SIRPB2: variants seen among roughly 807,000 people sequenced by gnomAD.
SIRPB2 encodes signal-regulatory protein beta-2.
In SIRPB2, 18 loss-of-function variants were observed where a neutral mutation model predicts 27.1. The ratio of observed to expected loss-of-function variants is 0.66; its 90% confidence interval spans 0.46 to 0.98. The LOEUF (loss-of-function observed/expected upper bound fraction) is 0.98. SIRPB2 is among the 50% of genes least tolerant of loss of function. The pLI, the probability that SIRPB2 is intolerant of heterozygous loss-of-function variation, is 0.00. For missense variants in SIRPB2, 420 were observed against 417.4 expected (o/e 1.01, Z -0.06); for synonymous variants, 150 against 164.6 (o/e 0.91, Z 0.68).
At chr20:1,476,800 G>C in intron 4 of SIRPB2, 1 of 1,052,508 alleles carries the variant, frequency 9.5e-7, no homozygotes, top group Non-Finnish European at 1.1e-6. Context: ...GCTCCCACCA[G>C]ATACTGAGAG....
At chr20:1,484,943 T>A (rs1027812204) in intron 1 of SIRPB2, among the ~76,000 whole-genome samples, 4 of 152,130 alleles carry the variant, frequency 2.6e-5, no homozygotes, top group Non-Finnish European at 5.9e-5. Flanking sequence ...CGTAGCAACA[T>A]GAATGAAGAT....
chr20:1,478,490 G>C lies in SIRPB2; in HGVS notation c.569C>G (p.Pro190Arg), dbSNP rs759695259. 3.5e-5 allele frequency: 56 copies of C among 1,613,990 alleles called. 1 individual carries two copies. The highest frequency in any genetic ancestry group is 4.6e-5 in the Non-Finnish European group (54 of 1,180,044). The change falls in exon 3 of 5, where the codon CCC becomes CGC. Residue 190 changes from proline (P) to arginine (R), a missense_variant. Transcript: ENST00000359801. ...CTVLGDGPPG[P>R]IRWFQGAGLS... ...ACCAGCTCCCTGGAACCACCTGATG[G>C]GTCCAGGGGGACCGTCTCCAAGCAC...
At chr20:1,484,702 A>T (rs1296804175) in intron 1 of SIRPB2, among the ~76,000 whole-genome samples, 6 of 151,814 alleles carry the variant, frequency 4.0e-5, no homozygotes, top group African/African-American at 1.5e-4. Context: ...TAAAAAAAAA[A>T]AACAAAATAA....
intron 1 of SIRPB2, among the ~76,000 whole-genome samples, chr20:1,484,488 A>T (rs1182152142): frequency 6.6e-6 from 1 of 152,100 alleles, no homozygotes; most frequent in Non-Finnish European, 1.5e-5. Context: ...TATACAGGAA[A>T]CTCAAACAAC....
downstream of SIRPB2, among the ~76,000 whole-genome samples, chr20:1,473,489 C>T (rs1034561270): frequency 2.0e-5 from 3 of 152,180 alleles, no homozygotes; most frequent in African/African-American, 7.2e-5. Flanking sequence ...TGCGCTCACA[C>T]ACACACACCA....
At position 1,483,475 on chromosome 20, in the gene SIRPB2, T is replaced by C. The variant is rs561420506; in HGVS notation, c.86-3410A>G. The stretch of plus-strand genomic sequence containing the variant: ...GACGATATCTCATTATGGTTTTGAT[T>C]TGCATTTCCCTGATGAGTGATGTTG... On this transcript the variant is annotated intron_variant, in intron 1 of 4. Transcript: ENST00000359801. Among the ~76,000 whole-genome samples, 6 of 152,328 alleles carry C rather than the reference T, an allele frequency of 3.9e-5. No individual in the cohort carries two copies. In the East Asian group the frequency reaches 9.6e-4, roughly 24 times the overall value.
rs540097362 is a variant in SIRPB2, at chr20:1,491,173, C to T, written c.85+102G>A. 1.1e-5 allele frequency: 12 copies of T among 1,087,478 alleles called. No individual in the cohort carries two copies. In the South Asian group the frequency reaches 1.9e-4, roughly 17 times the overall value. The allele number at this position is 1,087,478 out of a possible 1,614,324, so 67.4% of individuals were successfully genotyped here. On this transcript the variant is annotated intron_variant, in intron 1 of 4. Coordinates refer to ENST00000359801, the MANE Select transcript of SIRPB2 (RefSeq NM_001122962.2). ...TTCAGTGGACCCCTCTTTACTCTATCTTCATGGGGTCAAGCTTCTTCAGGC... is the reference window on the plus strand; with the variant it reads ...TTCAGTGGACCCCTCTTTACTCTATTTTCATGGGGTCAAGCTTCTTCAGGC...
Position 1,475,772 on chromosome 20 carries a change from C to CA in SIRPB2, c.*394_*395insT. ...GTGTAGATGGAGGGGCACAGATGGTCTGGCTGGTTGAGTTCAGAGATTCTT... is the reference window on the plus strand; with the variant it reads ...GTGTAGATGGAGGGGCACAGATGGTCATGGCTGGTTGAGTTCAGAGATTCTT... On this transcript the variant is annotated 3_prime_UTR_variant, in exon 5 of 5. Coordinates refer to ENST00000359801, the MANE Select transcript of SIRPB2 (RefSeq NM_001122962.2). 5.7e-6 allele frequency: 1 copy of CA among 176,446 alleles called. No homozygotes were observed. The allele number at this position is 176,446 out of a possible 1,614,324, so 10.9% of individuals were successfully genotyped here.
chr20:1,484,663 A>G (rs564271080), intron 1 of SIRPB2, among the ~76,000 whole-genome samples: 1 of 151,988 alleles, frequency 6.6e-6, no homozygotes, highest in African/African-American at 2.4e-5. Context: ...ATCTTACCCC[A>G]GTTGGAACGA....
rs1475353456 is a variant in SIRPB2 at position 1,478,343 on chromosome 20, G to C, written c.716C>G (p.Thr239Ser). The C allele has an allele frequency of 6.2e-7, 1 of 1,614,064 alleles. No homozygotes were observed. Among genetic ancestry groups the C allele is most frequent in the African/African-American group, 1.3e-5 (1 of 74,918 alleles). ...LQNVSSEDAG[T>S]YYCVKFQRKP... is the part of the protein sequence containing the mutation. ...CCTCTGAAACTTTACACAGTAATAG[G>C]TGCCTGCATCCTCACTGGAGACGTT... Residue 239 changes from threonine to serine, a missense_variant, in exon 3 of 5, where the codon ACC becomes AGC. Physicochemically the swap from Thr to Ser is moderately conservative, Grantham distance 58. Transcript: ENST00000359801.
chr20:1,485,381 G>A (rs1039393676), intron 1 of SIRPB2, among the ~76,000 whole-genome samples: 108 of 151,864 alleles, frequency 7.1e-4, no homozygotes, highest in African/African-American at 2.4e-3. Context: ...GTTATGTATC[G>A]ATTAAAAAAG....
At chr20:1,473,437 T>C (rs995263461), downstream of SIRPB2, among the ~76,000 whole-genome samples, 1 of 151,688 alleles carries the variant, frequency 6.6e-6, no homozygotes, top group Non-Finnish European at 1.5e-5. Context: ...GATGCACACA[T>C]GCATGCACAC....
chr20:1,483,916 C>T lies in SIRPB2; in HGVS notation c.86-3851G>A, dbSNP rs548118309. 7.9e-5 allele frequency among the ~76,000 whole-genome samples: 12 copies of T among 152,068 alleles called. No homozygotes were observed. In the East Asian group the frequency reaches 1.7e-3, roughly 22 times the overall value. Reference sequence around the variant, plus strand: ...GTATCTTACTGATCTTCCTTAGTATCGATATTTTGTGTTCTTTTTCTGGGA... The same window carrying T: ...GTATCTTACTGATCTTCCTTAGTATTGATATTTTGTGTTCTTTTTCTGGGA... On this transcript the variant is annotated intron_variant, in intron 1 of 4. Transcript: ENST00000359801.
intron 1 of SIRPB2, among the ~76,000 whole-genome samples, chr20:1,490,516 GC>G (rs2090767335): frequency 6.6e-6 from 1 of 152,190 alleles, no homozygotes; most frequent in African/African-American, 2.4e-5. Context: ...AACCTGGCCT[GC>G]CCCTGAGTTA....
At chr20:1,481,057 G>C (rs2090666049) in intron 1 of SIRPB2, among the ~76,000 whole-genome samples, 2 of 152,218 alleles carry the variant, frequency 1.3e-5, no homozygotes, top group South Asian at 4.1e-4. Context: ...GAGAAAGAGG[G>C]CTGAGGCCTC....
intron 4 of SIRPB2, chr20:1,476,624 T>C (rs538248018): frequency 9.9e-5 from 70 of 709,534 alleles, no homozygotes; most frequent in Non-Finnish European, 1.1e-4. Flanking sequence ...CAGTGTAGGA[T>C]AGTGATCCAA....
rs753884595 is a variant in SIRPB2 at position 1,478,331 on chromosome 20, A to T, written c.728T>A (p.Val243Glu). The part of the protein sequence containing the change: ...SSEDAGTYYC[V>E]KFQRKPNRQY... ...CCTGTTGGGTTTCCTCTGAAACTTT[A>T]CACAGTAATAGGTGCCTGCATCCTC... The change falls in exon 3 of 5, where the codon GTA becomes GAA. Residue 243 changes from valine to glutamate, a missense_variant. By Grantham distance (121) the Val-to-Glu change is moderately radical. Coordinates refer to ENST00000359801, the MANE Select transcript of SIRPB2 (RefSeq NM_001122962.2). 6.2e-7 allele frequency: 1 copy of T among 1,614,202 alleles called. No individual in the cohort carries two copies. Among genetic ancestry groups the T allele is most frequent in the South Asian group, 1.1e-5 (1 of 91,088 alleles).
intron 2 of SIRPB2, chr20:1,479,020 C>G (rs1464014902): frequency 1.1e-5 from 2 of 174,862 alleles, no homozygotes; most frequent in African/African-American, 4.7e-5. Context: ...CTCTCCATGT[C>G]ACCAGTTTAT....
At chr20:1,490,424 C>T (rs1207223547) in intron 1 of SIRPB2, among the ~76,000 whole-genome samples, 1 of 152,134 alleles carries the variant, frequency 6.6e-6, no homozygotes, top group African/African-American at 2.4e-5. Context: ...CACTGAGAGC[C>T]AAGTATCCCT....
Sources: gnomAD v4.1 joint callset for allele counts (sites outside exome capture counted in the v4.1 genomes callset) on GRCh38, gnomAD v4.1.1 for gene constraint, MANE v1.5 for transcripts, NCBI Gene and HGNC (gene_info 2026-07-23, HGNC 2026-07-21) for gene names.